The following GATB variants were observed in gnomAD, a reference collection of about 807,000 sequenced individuals.
GATB encodes glutamyl-tRNA amidotransferase subunit B.
In GATB, 39 loss-of-function variants were observed where a neutral mutation model predicts 62.3. That is an observed-to-expected ratio of 0.63 (90% CI 0.48 to 0.82). GATB has a LOEUF of 0.82. GATB is among the 40% of genes least tolerant of loss of function. The probability of loss-of-function intolerance (pLI) is 0.00; values close to 1 mark genes in which losing one functional copy is unlikely to be tolerated. For missense variants in GATB, 670 were observed against 684.0 expected (o/e 0.98, Z 0.23); for synonymous variants, 276 against 258.9 (o/e 1.07, Z -0.63).
chr4:151,750,167 C>T (rs1739690397), intron 2 of GATB, among the ~76,000 whole-genome samples: 1 of 152,204 alleles, frequency 6.6e-6, no homozygotes, highest in Non-Finnish European at 1.5e-5. Context: ...AGGCGTGAGC[C>T]ACCACGCCCA....
chr4:151,715,444 A>G (rs1162020880), intron 5 of GATB, among the ~76,000 whole-genome samples: 1 of 152,232 alleles, frequency 6.6e-6, no homozygotes, highest in Non-Finnish European at 1.5e-5. Flanking sequence ...AATGCTTATA[A>G]TGTGTGGTCT....
chr4:151,679,572 G>A (rs1036895489), intron 11 of GATB, among the ~76,000 whole-genome samples: 1 of 152,192 alleles, frequency 6.6e-6, no homozygotes, highest in African/African-American at 2.4e-5. Context: ...TTCAGGGCAA[G>A]ACCAGACAAT....
At chr4:151,750,177 AG>A (rs1291560294) in intron 2 of GATB, among the ~76,000 whole-genome samples, 1 of 152,214 alleles carries the variant, frequency 6.6e-6, no homozygotes, top group Non-Finnish European at 1.5e-5. Flanking sequence ...CACCACGCCC[AG>A]CCCCTAACTT....
intron 9 of GATB, among the ~76,000 whole-genome samples, chr4:151,696,217 T>A (rs1476050298): frequency 6.6e-6 from 1 of 152,246 alleles, no homozygotes; most frequent in Non-Finnish European, 1.5e-5. Context: ...ACATGATTTC[T>A]GCTTTTCATT....
chr4:151,705,135 T>A (rs1412047616), intron 7 of GATB, 50 bp downstream of exon 7: 10 of 1,335,604 alleles, frequency 7.5e-6, no homozygotes, highest in Non-Finnish European at 1.1e-5. Flanking sequence ...AGCCCAGCCC[T>A]CTCGCACCAC....
intron 2 of GATB, among the ~76,000 whole-genome samples, chr4:151,731,437 A>G (rs1739248144): frequency 6.6e-6 from 1 of 152,180 alleles, no homozygotes; most frequent in Admixed American, 6.5e-5. Context: ...CCCAGGCTGG[A>G]GTGCAGTGGC....
chr4:151,703,499 G>C, intron 8 of GATB: 1 of 283,232 alleles, frequency 3.5e-6, no homozygotes, highest in Middle Eastern at 1.2e-3. Flanking sequence ...TTCATTCAGC[G>C]TATTACTGAA....
At chr4:151,682,641 T>A (rs1738165330) in intron 10 of GATB, among the ~76,000 whole-genome samples, 1 of 151,868 alleles carries the variant, frequency 6.6e-6, no homozygotes, top group African/African-American at 2.4e-5. Flanking sequence ...CACAGCTCCA[T>A]CTCCTGCTTG....
At position 151,731,789 on chromosome 4, in the gene GATB, C is replaced by T. The variant is rs1211206469; in HGVS notation, c.328-12251G>A. 2.4e-4 allele frequency among the ~76,000 whole-genome samples: 36 copies of T among 151,558 alleles called. 1 individual carries two copies. The highest frequency in any genetic ancestry group is 7.8e-4 in the African/African-American group (32 of 41,172). On this transcript the variant is annotated intron_variant, in intron 2 of 12. Transcript: ENST00000263985. ...GTGACCCCGTCTGGGAGGTGAGGAG[C>T]GTCTCTGCCCGGCCGCCCCGTCTGA...
At chr4:151,702,815 A>G (rs1738632353) in intron 8 of GATB, among the ~76,000 whole-genome samples, 1 of 152,180 alleles carries the variant, frequency 6.6e-6, no homozygotes, top group African/African-American at 2.4e-5. Flanking sequence ...AAAGCAGGGT[A>G]TTCAGAAGAA....
At chr4:151,716,843 G>A in intron 4 of GATB, 33 bp downstream of exon 4, 1 of 1,598,456 alleles carries the variant, frequency 6.3e-7, no homozygotes, top group Non-Finnish European at 8.6e-7. Flanking sequence ...ACTGAAGTAG[G>A]AAGGAGAAAT....
chr4:151,689,659 C>T (rs967934957), intron 9 of GATB, among the ~76,000 whole-genome samples: 3 of 151,962 alleles, frequency 2.0e-5, no homozygotes, highest in African/African-American at 2.4e-5. Context: ...TGGCAAGAAC[C>T]GCAATTACTT....
chr4:151,723,707 A>G (rs761436168), intron 2 of GATB: 8 of 152,184 alleles, frequency 5.3e-5, no homozygotes, highest in African/African-American at 7.2e-5. Flanking sequence ...TTTCTCAACG[A>G]GCAGAGGATG....
At chr4:151,692,203 T>C (rs898898037) in intron 9 of GATB, among the ~76,000 whole-genome samples, 15 of 152,176 alleles carry the variant, frequency 9.9e-5, no homozygotes, top group African/African-American at 3.6e-4. Context: ...AGGCACTAGC[T>C]TGCTTGAGGT....
intron 2 of GATB, among the ~76,000 whole-genome samples, chr4:151,732,593 G>C (rs1305842032): frequency 1.3e-5 from 2 of 151,866 alleles, no homozygotes; most frequent in Non-Finnish European, 2.9e-5. Flanking sequence ...AAGGCTGCAG[G>C]GTCCTCTGCC....
intron 10 of GATB, among the ~76,000 whole-genome samples, chr4:151,682,939 C>T (rs1184971060): frequency 6.6e-6 from 1 of 152,076 alleles, no homozygotes. Flanking sequence ...TGCACATGCC[C>T]TCACCTCCCA....
chr4:151,713,279 G>A (rs977654231), intron 5 of GATB, among the ~76,000 whole-genome samples: 25 of 152,244 alleles, frequency 1.6e-4, no homozygotes, highest in South Asian at 2.1e-4. Context: ...TAAAGCAGAC[G>A]ATCAATGTAA....
chr4:151,727,168 G>A (rs190395019), intron 2 of GATB, among the ~76,000 whole-genome samples: 8 of 152,286 alleles, frequency 5.3e-5, no homozygotes, highest in Middle Eastern at 3.4e-3. Context: ...CGGTGTGCCC[G>A]CCTCAGCCTC....
At position 151,741,274 on chromosome 4, in the gene GATB, G is replaced by A. The variant is rs187063765; in HGVS notation, c.327+17498C>T. Among the ~76,000 whole-genome samples, 15 of 152,268 alleles carry A rather than the reference G, an allele frequency of 9.9e-5. No homozygotes were observed. In the East Asian group the frequency reaches 2.9e-3, roughly 29 times the overall value. On this transcript the variant is annotated intron_variant, in intron 2 of 12. Coordinates refer to ENST00000263985, the MANE Select transcript of GATB (RefSeq NM_004564.3). ...CTCTCTCAAAATATCTTATTCTCCT[G>A]TACTGAGGGTAACTGAAACTACACA...
Sources: gnomAD v4.1 joint callset for allele counts (sites outside exome capture counted in the v4.1 genomes callset) on GRCh38, gnomAD v4.1.1 for gene constraint, MANE v1.5 for transcripts, NCBI Gene and HGNC (gene_info 2026-07-23, HGNC 2026-07-21) for gene names.